PARG: variants seen among roughly 807,000 people sequenced by gnomAD.
PARG encodes the protein mitochondrial poly(ADP-ribose) glycohydrolase.
A neutral mutation model predicts 113.0 loss-of-function variants in PARG; 35 were observed. The observed-to-expected ratio is 0.31, with a 90% CI of 0.24 to 0.41. The LOEUF (loss-of-function observed/expected upper bound fraction) is 0.41. Among genes scored for constraint, PARG ranks in the 10% least tolerant of loss-of-function variants. The pLI, the probability that PARG is intolerant of heterozygous loss-of-function variation, is 1.00. For synonymous variants in PARG, 330 were observed against 409.9 expected (o/e 0.81, Z 2.36); for missense variants, 797 against 1,169.4 (o/e 0.68, Z 4.64).
chr10:49,929,147 G>A lies in PARG; in HGVS notation c.1455+2953C>T, dbSNP rs1418587539. 2.6e-5 allele frequency among the ~76,000 whole-genome samples: 4 copies of A among 151,462 alleles called. No individual in the cohort carries two copies. The East Asian group carries it at 7.7e-4, about 29-fold the overall frequency. On this transcript the variant is annotated intron_variant, in intron 4 of 17. Coordinates refer to ENST00000616448, the MANE Select transcript of PARG (RefSeq NM_003631.5). ...TTGATGGTAGAGATGGTAGATATTA[G>A]AGAGATATAATGACGGTACAGGATG...
chr10:49,852,593 C>G (rs1224958351), intron 13 of PARG, among the ~76,000 whole-genome samples: 1 of 145,970 alleles, frequency 6.9e-6, no homozygotes, highest in Admixed American at 6.8e-5. Flanking sequence ...GAGACGGAGT[C>G]TCACTCTGTC....
chr10:49,851,008 T>A (rs1225171883), intron 13 of PARG, among the ~76,000 whole-genome samples: 1 of 152,210 alleles, frequency 6.6e-6, no homozygotes, highest in Admixed American at 6.5e-5. Flanking sequence ...GAAGACTGAA[T>A]GACCATTGTG....
chr10:49,886,407 A>T (rs1480074081), intron 7 of PARG, among the ~76,000 whole-genome samples: 1 of 152,238 alleles, frequency 6.6e-6, no homozygotes, highest in African/African-American at 2.4e-5. Flanking sequence ...TTTGCCAGTA[A>T]ATTCTAACAC....
At chr10:49,862,144 A>C (rs1408935765) in intron 11 of PARG, among the ~76,000 whole-genome samples, 2 of 150,106 alleles carry the variant, frequency 1.3e-5, no homozygotes, top group Admixed American at 1.3e-4. Context: ...AGAAATTCTG[A>C]ACAATGGTAT....
At chr10:49,936,521 AT>A (rs1207218238) in intron 1 of PARG, among the ~76,000 whole-genome samples, 1 of 152,234 alleles carries the variant, frequency 6.6e-6, no homozygotes, top group Non-Finnish European at 1.5e-5. Context: ...GGGAGATGCA[AT>A]ATAAATAAAT....
chr10:49,883,700 C>G lies in PARG; in HGVS notation c.1830+1503G>C, dbSNP rs76558643. On this transcript the variant is annotated intron_variant, in intron 8 of 17. Transcript: ENST00000616448. ...CCTGTAGTCCCGGCTACTCAGGAAG[C>G]TGAGGCAGGAAAATCACTTGAACCC... 6.6e-3 allele frequency among the ~76,000 whole-genome samples: 999 copies of G among 151,866 alleles called. 30 individuals carry two copies. The highest frequency in any genetic ancestry group is 0.044 in the Admixed American group (665 of 15,250).
At chr10:49,841,352 C>G (rs1292431344) in intron 15 of PARG, among the ~76,000 whole-genome samples, 1 of 151,982 alleles carries the variant, frequency 6.6e-6, no homozygotes, top group Admixed American at 6.5e-5. Context: ...AGCCCAAAAT[C>G]CAGAGAACAG....
chr10:49,910,689 A>C (rs1353382206), intron 7 of PARG, among the ~76,000 whole-genome samples: 2 of 152,178 alleles, frequency 1.3e-5, no homozygotes, highest in African/African-American at 2.4e-5. Flanking sequence ...TCCTTTCAAC[A>C]ATTAATCCAT....
chr10:49,884,061 CA>C (rs1274840573), intron 8 of PARG, among the ~76,000 whole-genome samples: 3 of 151,862 alleles, frequency 2.0e-5, no homozygotes, highest in African/African-American at 7.3e-5. Context: ...GTAAGTAAGC[CA>C]ACTTAGAGGT....
At chr10:49,869,031 A>G (rs1846659997) in intron 10 of PARG, among the ~76,000 whole-genome samples, 1 of 151,674 alleles carries the variant, frequency 6.6e-6, no homozygotes. Flanking sequence ...TATAAAACTC[A>G]GTACAAAACA....
At chr10:49,927,423 A>AAGAAAGAAAGAAAGAAAAG (rs1564664988) in intron 4 of PARG, among the ~76,000 whole-genome samples, 1 of 150,954 alleles carries the variant, frequency 6.6e-6, no homozygotes, top group African/African-American at 2.4e-5. Flanking sequence ...AGAAAGAAAA[A>AAGAAAGAAAGAAAGAAAAG]TAAACCTGTG....
rs1554839041 is a variant in PARG at position 49,879,703 on chromosome 10, T to C, written c.1958A>G (p.Tyr653Cys). The change falls in exon 9 of 18, where the codon TAT becomes TGT. Residue 653 changes from tyrosine to cysteine, a missense_variant. Transcript: ENST00000616448. ...PRRNAKMKSE[Y>C]SSYPDINFNR... ...GAAGTTAATGTCTGGGTAACTAGAA[T>C]ACTCCGATTTCATCTTAGCATTTCG... 5 of 1,561,228 alleles carry C rather than the reference T, an allele frequency of 3.2e-6. No homozygotes were observed. The highest frequency in any genetic ancestry group is 1.9e-5 in the Admixed American group (1 of 52,212).
At chr10:49,900,029 A>T (rs1221739725) in intron 7 of PARG, among the ~76,000 whole-genome samples, 1 of 151,738 alleles carries the variant, frequency 6.6e-6, no homozygotes, top group East Asian at 1.9e-4. Flanking sequence ...AATATGAAAT[A>T]ATCGGGCTGC....
intron 13 of PARG, among the ~76,000 whole-genome samples, chr10:49,851,908 A>G (rs1845778053): frequency 6.7e-6 from 1 of 150,238 alleles, no homozygotes; most frequent in Admixed American, 6.6e-5. Flanking sequence ...GAGGGATAAC[A>G]CTGTCTGTAT....
chr10:49,933,348 T>C lies in PARG; in HGVS notation c.1100A>G (p.His367Arg). Residue 367 changes from histidine to arginine, a missense_variant, in exon 3 of 18, where the codon CAT becomes CGT. By Grantham distance (29) the His-to-Arg change is conservative. Transcript: ENST00000616448. ...ACTCTCTCCTCCTTCAAATTGGAAA[T>C]GTAATCTAACTTCACCGCCCTTAGT... ...YSTKGGEVRL[H>R]FQFEGGESRT... The C allele has an allele frequency of 1.2e-6, 2 of 1,612,836 alleles. No homozygotes were observed. Among genetic ancestry groups the C allele is most frequent in the Non-Finnish European group, 1.7e-6 (2 of 1,178,910 alleles).
chr10:49,839,193 C>G (rs1209943199), intron 15 of PARG, among the ~76,000 whole-genome samples: 1 of 152,022 alleles, frequency 6.6e-6, no homozygotes, highest in Non-Finnish European at 1.5e-5. Flanking sequence ...AAAAATTAGC[C>G]TGGCGTGGTG....
At chr10:49,913,773 G>A (rs1554846916) in intron 7 of PARG, among the ~76,000 whole-genome samples, 1 of 152,048 alleles carries the variant, frequency 6.6e-6, no homozygotes, top group Non-Finnish European at 1.5e-5. Context: ...CAACGTGGCG[G>A]GCACCTGTAA....
At chr10:49,920,691 A>G (rs1837822368) in intron 6 of PARG, among the ~76,000 whole-genome samples, 1 of 151,042 alleles carries the variant, frequency 6.6e-6, no homozygotes, top group South Asian at 2.1e-4. Context: ...GTTTGCATAC[A>G]CATAATTAAC....
chr10:49,908,532 G>A (rs549198504), intron 7 of PARG: 1 of 152,204 alleles, frequency 6.6e-6, no homozygotes, highest in South Asian at 2.1e-4. Context: ...CCAAATCAGA[G>A]GTTCGAAAGC....
Sources: gnomAD v4.1 joint callset for allele counts (sites outside exome capture counted in the v4.1 genomes callset) on GRCh38, gnomAD v4.1.1 for gene constraint, MANE v1.5 for transcripts, NCBI Gene and HGNC (gene_info 2026-07-23, HGNC 2026-07-21) for gene names.